UBE3D: variants seen among roughly 807,000 people sequenced by gnomAD.
UBE3D encodes the protein ubiquitin protein ligase E3D.
Under a neutral mutation model 49.6 loss-of-function variants are expected in UBE3D, and 48 were observed. The observed-to-expected ratio is 0.97, with a 90% CI of 0.77 to 1.23. The LOEUF is 1.23. Ranked by LOEUF, UBE3D falls within the 50% of genes most tolerant of loss-of-function variation. The pLI, the probability that UBE3D is intolerant of heterozygous loss-of-function variation, is 0.00. For synonymous variants in UBE3D, 189 were observed against 174.2 expected (o/e 1.08, Z -0.67); for missense variants, 452 against 468.4 (o/e 0.96, Z 0.32).
At chr6:82,985,393 CTT>C (rs1284562877) in intron 8 of UBE3D, among the ~76,000 whole-genome samples, 2 of 151,422 alleles carry the variant, frequency 1.3e-5, no homozygotes, top group Non-Finnish European at 2.9e-5. Context: ...GATGGAATCT[CTT>C]TCTGTTGCCC....
chr6:83,065,586 A>C, intron 1 of UBE3D, 56 bp downstream of exon 1: 7 of 1,558,222 alleles, frequency 4.5e-6, no homozygotes, highest in Non-Finnish European at 6.2e-6. Context: ...CCAGCCCCCG[A>C]CCCCCGGGCA....
At chr6:83,027,636 C>T (rs1781576606) in intron 5 of UBE3D, among the ~76,000 whole-genome samples, 2 of 152,086 alleles carry the variant, frequency 1.3e-5, no homozygotes, top group Admixed American at 1.3e-4. Context: ...TCCATTACTG[C>T]TGTTCCTTTG....
At chr6:82,982,277 AAGAC>A (rs1778165848) in intron 8 of UBE3D, among the ~76,000 whole-genome samples, 1 of 152,170 alleles carries the variant, frequency 6.6e-6, no homozygotes, top group African/African-American at 2.4e-5. Context: ...CATGTACTCT[AAGAC>A]AGAGTTATTT....
At chr6:82,989,519 A>C (rs967024107) in intron 8 of UBE3D, among the ~76,000 whole-genome samples, 2 of 152,180 alleles carry the variant, frequency 1.3e-5, no homozygotes, top group Non-Finnish European at 2.9e-5. Flanking sequence ...ATATTTTACT[A>C]TCTGTTTACA....
chr6:83,030,389 G>A (rs902540740), intron 5 of UBE3D, among the ~76,000 whole-genome samples: 22 of 152,070 alleles, frequency 1.4e-4, no homozygotes, highest in African/African-American at 5.3e-4. Flanking sequence ...CATGAGATCT[G>A]ATGGTTTTAT....
At chr6:83,004,108 T>C (rs1057192559) in intron 8 of UBE3D, among the ~76,000 whole-genome samples, 10 of 152,210 alleles carry the variant, frequency 6.6e-5, no homozygotes, top group Non-Finnish European at 1.3e-4. Context: ...AATTCTGATC[T>C]ATAACATCAG....
intron 8 of UBE3D, among the ~76,000 whole-genome samples, chr6:82,970,369 C>T (rs2127704448): frequency 6.6e-6 from 1 of 151,844 alleles, no homozygotes; most frequent in East Asian, 1.9e-4. Context: ...AATTGTATTG[C>T]TAATAAAAAA....
At chr6:82,998,618 T>C (rs1779406411) in intron 8 of UBE3D, among the ~76,000 whole-genome samples, 1 of 152,238 alleles carries the variant, frequency 6.6e-6, no homozygotes. Context: ...AAGGGGATCA[T>C]TTCCCATCAA....
intron 9 of UBE3D, among the ~76,000 whole-genome samples, chr6:82,940,661 G>A (rs1373281563): frequency 6.6e-6 from 1 of 152,024 alleles, no homozygotes; most frequent in Non-Finnish European, 1.5e-5. Context: ...TTTGACATGT[G>A]GAATCACTCA....
intron 9 of UBE3D, among the ~76,000 whole-genome samples, chr6:82,952,363 T>A (rs1157993405): frequency 6.6e-6 from 1 of 151,614 alleles, no homozygotes; most frequent in Non-Finnish European, 1.5e-5. Context: ...GAACGGTACC[T>A]GGAAAACAGA....
At chr6:83,060,993 G>C (rs1784134927) in intron 1 of UBE3D, among the ~76,000 whole-genome samples, 2 of 152,150 alleles carry the variant, frequency 1.3e-5, no homozygotes, top group African/African-American at 4.8e-5. Flanking sequence ...AAGAGAAAAA[G>C]AGTAACTTTA....
intron 8 of UBE3D, among the ~76,000 whole-genome samples, chr6:83,014,587 C>CA (rs1222518711): frequency 2.6e-5 from 4 of 152,192 alleles, no homozygotes; most frequent in Non-Finnish European, 5.9e-5. Flanking sequence ...TTGAGGACCA[C>CA]AATGATGTTT....
In UBE3D at chr6:83,065,769, G is replaced by C; in HGVS notation, c.-51C>G. 6.5e-7 allele frequency: 1 copy of C among 1,544,972 alleles called. No homozygotes were observed. Among genetic ancestry groups the C allele is most frequent in the East Asian group, 2.4e-5 (1 of 41,634 alleles). ...CCAAGCTGGAGGTTCCGAGGGGCCC[G>C]GGTCAACAGGACCAGGAGAGGTTCC... On this transcript the variant is annotated 5_prime_UTR_variant, in exon 1 of 10. Coordinates refer to ENST00000369747, the MANE Select transcript of UBE3D (RefSeq NM_198920.3).
intron 1 of UBE3D, among the ~76,000 whole-genome samples, chr6:83,063,817 T>G (rs1166629295): frequency 1.3e-5 from 2 of 152,232 alleles, no homozygotes; most frequent in African/African-American, 4.8e-5. Context: ...TTTGGAGAAC[T>G]GTTTGGCAAT....
intron 9 of UBE3D, among the ~76,000 whole-genome samples, chr6:82,911,107 G>C (rs2127725968): frequency 7.2e-6 from 1 of 138,268 alleles, no homozygotes; most frequent in Non-Finnish European, 1.5e-5. Context: ...AGACACTTGG[G>C]AACAGTTCAC....
At chr6:82,916,970 C>T (rs558786362) in intron 9 of UBE3D, among the ~76,000 whole-genome samples, 98 of 152,178 alleles carry the variant, frequency 6.4e-4, no homozygotes, top group African/African-American at 2.2e-3. Context: ...TGTCTAAAAA[C>T]GGACACTGAT....
intron 8 of UBE3D, among the ~76,000 whole-genome samples, chr6:82,982,134 C>G (rs917914576): frequency 3.3e-5 from 5 of 152,026 alleles, no homozygotes; most frequent in African/African-American, 9.7e-5. Flanking sequence ...TCCTCATCAC[C>G]CAGCTTCATC....
intron 8 of UBE3D, among the ~76,000 whole-genome samples, chr6:82,965,911 C>G (rs925269690): frequency 2.0e-5 from 3 of 152,174 alleles, no homozygotes; most frequent in Admixed American, 6.5e-5. Flanking sequence ...TCCCAGACAA[C>G]ATATCATTCA....
intron 4 of UBE3D, among the ~76,000 whole-genome samples, chr6:83,042,016 T>C (rs1191164730): frequency 6.6e-6 from 1 of 152,042 alleles, no homozygotes; most frequent in Non-Finnish European, 1.5e-5. Flanking sequence ...TTCAAACGAT[T>C]CTCCTGCCTC....
Sources: allele counts gnomAD v4.1 joint callset (sites outside exome capture counted in the v4.1 genomes callset), GRCh38; gene constraint gnomAD v4.1.1; transcripts MANE v1.5; gene names NCBI Gene and HGNC (gene_info 2026-07-23, HGNC 2026-07-21).